FARP1: variants seen among roughly 807,000 people sequenced by gnomAD.
The protein encoded by FARP1 is FERM, ARH/RhoGEF and pleckstrin domain protein 1.
A neutral mutation model predicts 128.8 loss-of-function variants in FARP1; 52 were observed. That is an observed-to-expected ratio of 0.40 (90% CI 0.32 to 0.51). The LOEUF (loss-of-function observed/expected upper bound fraction) is 0.51. Ranked by LOEUF, FARP1 falls within the 20% of genes least tolerant of loss-of-function variation. The pLI, the probability that FARP1 is intolerant of heterozygous loss-of-function variation, is 0.45. For synonymous variants in FARP1, 580 were observed against 551.8 expected (o/e 1.05, Z -0.72); for missense variants, 1,333 against 1,367.9 (o/e 0.97, Z 0.40).
At position 98,440,156 on chromosome 13, in the gene FARP1, C is replaced by T. The variant is rs1461162545; in HGVS notation, c.2550C>T (p.Asp850=). The change falls in exon 23 of 27, where the codon GAC becomes GAT. Residue 850 remains aspartate, a synonymous_variant. Transcript: ENST00000319562. ...SRSEMEKWVE[D]IQMAIDLAEK... is the part of the protein sequence containing the mutation. ...CCGAGATGGAGAAGTGGGTTGAGGA[C>T]ATCCAGATGGCCATTGACCTGGCGG... is the stretch of plus-strand genomic sequence containing the variant. 1.2e-6 allele frequency: 2 copies of T among 1,614,088 alleles called. No homozygotes were observed. Among genetic ancestry groups the T allele is most frequent in the East Asian group, 2.2e-5 (1 of 44,854 alleles).
chr13:98,394,134 A>C (rs1346742038), intron 12 of FARP1, among the ~76,000 whole-genome samples: 4 of 152,170 alleles, frequency 2.6e-5, no homozygotes, highest in Non-Finnish European at 5.9e-5. Flanking sequence ...CTGGCACAGA[A>C]CTGGTCGGCG....
chr13:98,329,125 G>A (rs1396396845), intron 2 of FARP1: 2 of 152,246 alleles, frequency 1.3e-5, no homozygotes, highest in African/African-American at 4.8e-5. Context: ...CTTGTGATGT[G>A]ACACGTTCAT....
At position 98,205,236 on chromosome 13, in the gene FARP1, C is replaced by G. The variant is rs1645394178; in HGVS notation, c.-23-7984C>G. 3.9e-5 allele frequency among the ~76,000 whole-genome samples: 6 copies of G among 152,098 alleles called. No individual in the cohort carries two copies. The South Asian group carries it at 1.2e-3, about 32-fold the overall frequency. On this transcript the variant is annotated intron_variant, in intron 1 of 26. Coordinates refer to ENST00000319562, the MANE Select transcript of FARP1 (RefSeq NM_005766.4). Reference sequence around the variant, plus strand: ...GGTAGTTATCCCTGGAATAGGATATCTTCATTTATTATGCACAAGTATCTT... The same window carrying G: ...GGTAGTTATCCCTGGAATAGGATATGTTCATTTATTATGCACAAGTATCTT...
chr13:98,380,143 G>A (rs1403301956), intron 6 of FARP1, among the ~76,000 whole-genome samples: 2 of 152,060 alleles, frequency 1.3e-5, no homozygotes, highest in Non-Finnish European at 2.9e-5. Context: ...TTAAAGGTCT[G>A]TTACACTAAA....
intron 1 of FARP1, among the ~76,000 whole-genome samples, chr13:98,187,399 T>C (rs1878948885): frequency 6.6e-6 from 1 of 152,146 alleles, no homozygotes; most frequent in Admixed American, 6.6e-5. Flanking sequence ...CACAAGATGC[T>C]TTGAGCTCCC....
At chr13:98,426,482 C>G (rs1298703278) in intron 17 of FARP1, among the ~76,000 whole-genome samples, 1 of 152,062 alleles carries the variant, frequency 6.6e-6, no homozygotes, top group Non-Finnish European at 1.5e-5. Flanking sequence ...AGAGCAAGAC[C>G]CTGTCTCAAA....
chr13:98,246,246 C>T (rs1883056041), intron 2 of FARP1, among the ~76,000 whole-genome samples: 2 of 150,438 alleles, frequency 1.3e-5, no homozygotes, highest in Non-Finnish European at 3.0e-5. Context: ...CAGGCGCCCG[C>T]CACCTCGCCC....
chr13:98,370,817 C>T (rs1220265052), intron 5 of FARP1, among the ~76,000 whole-genome samples: 4 of 152,154 alleles, frequency 2.6e-5, no homozygotes, highest in Admixed American at 2.6e-4. Context: ...TGCTAATCAT[C>T]CACGTCCACT....
At chr13:98,147,939 T>C (rs1875693505) in intron 1 of FARP1, among the ~76,000 whole-genome samples, 1 of 152,174 alleles carries the variant, frequency 6.6e-6, no homozygotes, top group Non-Finnish European at 1.5e-5. Flanking sequence ...AATTAGTCTT[T>C]AGGGTTTTTA....
chr13:98,239,291 C>A (rs1057154449), intron 2 of FARP1, among the ~76,000 whole-genome samples: 4 of 152,182 alleles, frequency 2.6e-5, no homozygotes, highest in Non-Finnish European at 5.9e-5. Context: ...TCTCCCTCAT[C>A]CCATCATAAA....
At chr13:98,277,557 C>A (rs1422799102) in intron 2 of FARP1, among the ~76,000 whole-genome samples, 1 of 152,110 alleles carries the variant, frequency 6.6e-6, no homozygotes, top group Non-Finnish European at 1.5e-5. Context: ...GCTGAGACTT[C>A]CTCTGAGGAG....
chr13:98,390,936 A>G (rs896138780), intron 11 of FARP1, 56 bp downstream of exon 11: 102 of 1,197,844 alleles, frequency 8.5e-5, no homozygotes, highest in Admixed American at 1.7e-4. Context: ...TCGCCAGGTA[A>G]CAGTTTGTTG....
intron 1 of FARP1, among the ~76,000 whole-genome samples, chr13:98,149,375 T>C (rs1875808354): frequency 6.7e-6 from 1 of 150,232 alleles, no homozygotes; most frequent in Admixed American, 6.7e-5. Context: ...CCATTCAAGT[T>C]GTTTTCAGTG....
intron 2 of FARP1, among the ~76,000 whole-genome samples, chr13:98,278,303 TGTGA>T (rs1171188209): frequency 6.6e-5 from 10 of 150,778 alleles, no homozygotes; most frequent in African/African-American, 2.0e-4. Flanking sequence ...TGTGTGTGTG[TGTGA>T]GAGTATACTG....
At chr13:98,372,743 C>T (rs1309830000) in intron 5 of FARP1, among the ~76,000 whole-genome samples, 1 of 152,202 alleles carries the variant, frequency 6.6e-6, no homozygotes, top group Non-Finnish European at 1.5e-5. Flanking sequence ...CCTCTGTCTG[C>T]TCCTGCCATA....
chr13:98,274,047 C>T (rs1884513449), intron 2 of FARP1, among the ~76,000 whole-genome samples: 1 of 152,142 alleles, frequency 6.6e-6, no homozygotes, highest in Middle Eastern at 3.2e-3. Flanking sequence ...GTGGTTGCTT[C>T]TGAGGGGACA....
At chr13:98,366,277 G>A (rs1301469842) in intron 4 of FARP1, among the ~76,000 whole-genome samples, 1 of 152,288 alleles carries the variant, frequency 6.6e-6, no homozygotes, top group Non-Finnish European at 1.5e-5. Context: ...TAATAAACAC[G>A]CAGCACAATT....
In FARP1 at chr13:98,395,805, T is replaced by G. The variant is rs1447513551; in HGVS notation, c.1414+329T>G. The stretch of plus-strand genomic sequence containing the variant: ...GCGGGAGCCCTCGACTCCCAAGGCA[T>G]AGCTCTCTCATAGATGAAATGTTCA... On this transcript the variant is annotated intron_variant, in intron 13 of 26. Transcript: ENST00000319562. 1.2e-5 allele frequency: 5 copies of G among 403,154 alleles called. No individual in the cohort carries two copies. In the East Asian group the frequency reaches 1.8e-4, roughly 14 times the overall value. The allele number at this position is 403,154 out of a possible 1,614,324, so 25.0% of individuals were successfully genotyped here. A position where few individuals can be genotyped will look rare whatever the true frequency, so the allele number is the denominator to read the frequency against.
At chr13:98,303,752 T>A (rs190633589) in intron 2 of FARP1, among the ~76,000 whole-genome samples, 63 of 152,300 alleles carry the variant, frequency 4.1e-4, no homozygotes, top group African/African-American at 1.4e-3. Flanking sequence ...GTAAAATCGA[T>A]ATGTGTAACA....
Sources: allele counts gnomAD v4.1 joint callset (sites outside exome capture counted in the v4.1 genomes callset), GRCh38; gene constraint gnomAD v4.1.1; transcripts MANE v1.5; gene names NCBI Gene and HGNC (gene_info 2026-07-23, HGNC 2026-07-21).